Variants in TRIM4 observed in about 807,000 individuals in gnomAD.
TRIM4 encodes the protein E3 ubiquitin-protein ligase TRIM4.
A neutral mutation model predicts 33.7 loss-of-function variants in TRIM4; 29 were observed. The observed-to-expected ratio is 0.86, with a 90% CI of 0.64 to 1.17. The LOEUF (loss-of-function observed/expected upper bound fraction) is 1.17. Among genes scored for constraint, TRIM4 ranks in the 50% most tolerant of loss-of-function variants. TRIM4 has a pLI of 0.00. For missense variants in TRIM4, 554 were observed against 593.7 expected (o/e 0.93, Z 0.69); for synonymous variants, 224 against 233.0 (o/e 0.96, Z 0.35).
chr7:99,916,654 C>T (rs910951336), intron 1 of TRIM4: 4 of 770,372 alleles, frequency 5.2e-6, no homozygotes, highest in Non-Finnish European at 9.7e-6. Flanking sequence ...TCACTCCATC[C>T]CTCCCTCTCC....
At chr7:99,894,319 C>T (rs2151640796) in intron 5 of TRIM4, among the ~76,000 whole-genome samples, 1 of 152,220 alleles carries the variant, frequency 6.6e-6, no homozygotes, top group East Asian at 1.9e-4. Context: ...AATAGGAGTT[C>T]TTGAAGAATT....
intron 5 of TRIM4, among the ~76,000 whole-genome samples, chr7:99,898,583 TCTTA>T (rs1819079296): frequency 6.6e-6 from 1 of 152,170 alleles, no homozygotes; most frequent in Admixed American, 6.5e-5. Context: ...GAGACACCAT[TCTTA>T]CTAACTGGGA....
intron 2 of TRIM4, 128 bp downstream of exon 2, chr7:99,909,437 G>A: frequency 1.5e-6 from 1 of 672,938 alleles, no homozygotes; most frequent in South Asian, 2.1e-5. Context: ...AGGAAACAGA[G>A]GTTCTGAGGC....
intron 5 of TRIM4, among the ~76,000 whole-genome samples, chr7:99,895,352 T>C (rs996632010): frequency 3.9e-5 from 6 of 152,212 alleles, no homozygotes; most frequent in Non-Finnish European, 8.8e-5. Flanking sequence ...ATTCTTGATA[T>C]TTAGGGGGGT....
At chr7:99,896,634 A>G (rs1375735356) in intron 5 of TRIM4, among the ~76,000 whole-genome samples, 1 of 152,164 alleles carries the variant, frequency 6.6e-6, no homozygotes, top group Non-Finnish European at 1.5e-5. Context: ...CTAGCACAAC[A>G]ATTAGCCCAG....
chr7:99,917,937 G>T, intron 1 of TRIM4: 1 of 789,596 alleles, frequency 1.3e-6, no homozygotes, highest in African/African-American at 1.9e-5. Flanking sequence ...ACAAAAGCAA[G>T]AAAGCCAGTA....
At chr7:99,904,751 G>A (rs1819257931) in intron 3 of TRIM4, among the ~76,000 whole-genome samples, 1 of 152,120 alleles carries the variant, frequency 6.6e-6, no homozygotes, top group South Asian at 2.1e-4. Context: ...GCTTTATCTG[G>A]ATGAGTACAG....
chr7:99,904,308 A>G (rs1819245516), intron 3 of TRIM4, among the ~76,000 whole-genome samples: 1 of 152,190 alleles, frequency 6.6e-6, no homozygotes, highest in South Asian at 2.1e-4. Context: ...AAAAAAACAG[A>G]CAAATTCCAA....
chr7:99,906,135 A>T (rs1819298766), intron 3 of TRIM4, among the ~76,000 whole-genome samples: 2 of 151,732 alleles, frequency 1.3e-5, no homozygotes, highest in Non-Finnish European at 1.5e-5. Flanking sequence ...ACACAGCAAG[A>T]CTCCATCTCA....
intron 3 of TRIM4, 33 bp downstream of exon 3, chr7:99,908,549 A>G: frequency 6.6e-7 from 1 of 1,516,822 alleles, no homozygotes; most frequent in Non-Finnish European, 9.0e-7. Context: ...CAGTTAGTGA[A>G]GATGAGATCA....
intron 5 of TRIM4, chr7:99,902,008 CA>C: frequency 1.5e-6 from 1 of 687,374 alleles, no homozygotes; most frequent in Non-Finnish European, 2.6e-6. Context: ...CTCAGCCTTA[CA>C]TGGTCTGGAA....
intron 5 of TRIM4, among the ~76,000 whole-genome samples, chr7:99,899,461 G>A (rs551182228): frequency 2.6e-5 from 4 of 152,162 alleles, no homozygotes; most frequent in East Asian, 1.9e-4. Flanking sequence ...TCTCCTCTTC[G>A]GCCTTTCAGA....
chr7:99,913,231 A>C (rs1162429201), intron 1 of TRIM4, among the ~76,000 whole-genome samples: 1 of 152,176 alleles, frequency 6.6e-6, no homozygotes, highest in African/African-American at 2.4e-5. Flanking sequence ...CCACAGTTGG[A>C]ATCTAAACTG....
chr7:99,898,779 A>T (rs367835499), intron 5 of TRIM4, among the ~76,000 whole-genome samples: 60 of 152,318 alleles, frequency 3.9e-4, no homozygotes, highest in Middle Eastern at 3.4e-3. Flanking sequence ...TGGAAGCTGC[A>T]CATTAATTAA....
chr7:99,919,428 T>C lies in TRIM4; in HGVS notation c.-27A>G, dbSNP rs755695366. The C allele has an allele frequency of 2.8e-5, 42 of 1,503,892 alleles. No homozygotes were observed. The highest frequency in any genetic ancestry group is 3.5e-5 in the Non-Finnish European group (39 of 1,127,004). 93.2% of individuals were successfully genotyped at this position (1,503,892 alleles called of 1,614,324 possible). On this transcript the variant is annotated 5_prime_UTR_variant, in exon 1 of 6. Coordinates refer to ENST00000349062, the MANE Select transcript of TRIM4 (RefSeq NM_033091.3). ...CTGCTTCCCTGCCGCGGAGACGGAGTCCGACGTGAGGCGCGGGAGAGGCCA... is the reference window on the plus strand; with the variant it reads ...CTGCTTCCCTGCCGCGGAGACGGAGCCCGACGTGAGGCGCGGGAGAGGCCA...
chr7:99,896,116 T>C (rs973915013), intron 5 of TRIM4, among the ~76,000 whole-genome samples: 4 of 152,224 alleles, frequency 2.6e-5, no homozygotes, highest in African/African-American at 9.6e-5. Flanking sequence ...TATTAATCTT[T>C]TTTTATAATT....
chr7:99,908,696 C>T lies in TRIM4; in HGVS notation c.606G>A (p.Thr202=), dbSNP rs771212971. The T allele has an allele frequency of 1.2e-5, 19 of 1,614,046 alleles. No individual in the cohort carries two copies. The highest frequency in any genetic ancestry group is 7.7e-5 in the South Asian group (7 of 91,076). The stretch of plus-strand genomic sequence containing the variant: ...ACGTGTTCTCATTCAGCTTCTTCTT[C>T]GTCTCTTCTTCTTCTTTGTTCAATC... ...LQRLNKEEEE[T]KKKLNENTLK... is the part of the protein sequence containing the mutation. Residue 202 remains threonine (T), a synonymous_variant, in exon 3 of 6, where the codon ACG becomes ACA. Transcript: ENST00000349062.
At chr7:99,913,530 G>A (rs1448456896) in intron 1 of TRIM4, among the ~76,000 whole-genome samples, 1 of 152,010 alleles carries the variant, frequency 6.6e-6, no homozygotes, top group Non-Finnish European at 1.5e-5. Flanking sequence ...AATTAGCCGG[G>A]CATGGTGGCA....
chr7:99,904,294 C>T (rs1819245190), intron 3 of TRIM4, among the ~76,000 whole-genome samples: 1 of 151,988 alleles, frequency 6.6e-6, no homozygotes, highest in Non-Finnish European at 1.5e-5. Context: ...TCAGCCTAAT[C>T]AAGAAAAAAA....
Sources: allele counts gnomAD v4.1 joint callset (sites outside exome capture counted in the v4.1 genomes callset), GRCh38; gene constraint gnomAD v4.1.1; transcripts MANE v1.5; gene names NCBI Gene and HGNC (gene_info 2026-07-23, HGNC 2026-07-21).